Variants in CNTN4 observed in about 807,000 individuals in gnomAD.
The protein encoded by CNTN4 is contactin-4.
In CNTN4, 77 loss-of-function variants were observed where a neutral mutation model predicts 122.5. The ratio of observed to expected loss-of-function variants is 0.63; its 90% CI spans 0.52 to 0.76. The LOEUF is 0.76. CNTN4 is among the 30% of genes least tolerant of loss of function. The pLI is 0.00. For missense variants in CNTN4, 1,256 were observed against 1,259.1 expected (o/e 1.00, Z 0.04); for synonymous variants, 512 against 447.0 (o/e 1.15, Z -1.83).
At chr3:2,960,135 C>G (rs2094838130) in intron 13 of CNTN4, among the ~76,000 whole-genome samples, 1 of 152,142 alleles carries the variant, frequency 6.6e-6, no homozygotes, top group Non-Finnish European at 1.5e-5. Context: ...AAATATTCCT[C>G]TTTTTGAACC....
At chr3:2,323,029 C>T (rs1360935371) in intron 2 of CNTN4, among the ~76,000 whole-genome samples, 2 of 152,118 alleles carry the variant, frequency 1.3e-5, no homozygotes, top group Non-Finnish European at 2.9e-5. Flanking sequence ...AAATTGCCAT[C>T]TCAGCTACAC....
chr3:2,782,188 TAA>T (rs938458241), intron 6 of CNTN4, among the ~76,000 whole-genome samples: 1 of 151,894 alleles, frequency 6.6e-6, no homozygotes, highest in African/African-American at 2.4e-5. Flanking sequence ...ATAAAGAGTA[TAA>T]AGAGGCATGT....
chr3:2,463,211 A>G (rs887675125), intron 3 of CNTN4, among the ~76,000 whole-genome samples: 4 of 152,216 alleles, frequency 2.6e-5, no homozygotes, highest in Non-Finnish European at 4.4e-5. Context: ...GCTTTTTAAA[A>G]AAAAAAAACA....
At chr3:2,431,713 G>A (rs1486764313) in intron 3 of CNTN4, among the ~76,000 whole-genome samples, 1 of 152,166 alleles carries the variant, frequency 6.6e-6, no homozygotes, top group African/African-American at 2.4e-5. Context: ...GAAACTATAG[G>A]AAATTGTATA....
chr3:2,787,857 T>C (rs2149937484), intron 6 of CNTN4, among the ~76,000 whole-genome samples: 1 of 151,696 alleles, frequency 6.6e-6, no homozygotes, highest in South Asian at 2.1e-4. Flanking sequence ...TGGTGCGATC[T>C]TGGCTCACTG....
At chr3:2,620,741 C>T (rs2081959438) in intron 4 of CNTN4, among the ~76,000 whole-genome samples, 1 of 152,104 alleles carries the variant, frequency 6.6e-6, no homozygotes, top group African/African-American at 2.4e-5. Flanking sequence ...CTGAAAACCT[C>T]ATTTACACAG....
chr3:2,685,810 C>T (rs981885785), intron 4 of CNTN4, among the ~76,000 whole-genome samples: 6 of 152,086 alleles, frequency 3.9e-5, no homozygotes, highest in African/African-American at 1.2e-4. Context: ...AGCCTTAGAG[C>T]AGGTGGCTGT....
At chr3:2,589,674 A>G (rs953859795) in intron 4 of CNTN4, among the ~76,000 whole-genome samples, 2 of 152,184 alleles carry the variant, frequency 1.3e-5, no homozygotes, top group East Asian at 3.9e-4. Context: ...TCAGGAAATT[A>G]TACTCCAGTA....
intron 3 of CNTN4, among the ~76,000 whole-genome samples, chr3:2,553,668 A>G (rs1373005172): frequency 6.6e-6 from 1 of 152,198 alleles, no homozygotes; most frequent in African/African-American, 2.4e-5. Flanking sequence ...ATGGAAGCTG[A>G]AAAGGATGAG....
At chr3:2,483,128 T>A (rs2076054724) in intron 3 of CNTN4, among the ~76,000 whole-genome samples, 1 of 152,198 alleles carries the variant, frequency 6.6e-6, no homozygotes, top group African/African-American at 2.4e-5. Flanking sequence ...GGGGTAGAGC[T>A]GCCCAAGGCT....
At chr3:2,731,682 G>A (rs967769632) in intron 4 of CNTN4, among the ~76,000 whole-genome samples, 46 of 152,198 alleles carry the variant, frequency 3.0e-4, no homozygotes, top group African/African-American at 1.0e-3. Flanking sequence ...ATTTCTCCAA[G>A]GCAGATGATG....
In CNTN4 at chr3:3,046,335, C is replaced by CT. The variant is rs1700648911; in HGVS notation, c.2811+2631_2811+2632insT. Among the ~76,000 whole-genome samples the CT allele has an allele frequency of 2.0e-5, 3 of 152,028 alleles. No homozygotes were observed. The South Asian group carries it at 6.2e-4, about 32-fold the overall frequency. On this transcript the variant is annotated intron_variant, in intron 23 of 24. Transcript: ENST00000418658. ...CCAAGACACATAATTGTCAGATTCACCAAAGTCGAAATGAAGGAAAAAATG... is the reference window on the plus strand; with the variant it reads ...CCAAGACACATAATTGTCAGATTCACTCAAAGTCGAAATGAAGGAAAAAATG...
At chr3:2,314,876 CT>C (rs1442187383) in intron 2 of CNTN4, among the ~76,000 whole-genome samples, 5 of 151,852 alleles carry the variant, frequency 3.3e-5, no homozygotes, top group Non-Finnish European at 7.4e-5. Context: ...ATACAGAGAG[CT>C]TCTTAACAGC....
chr3:2,202,105 T>G lies in CNTN4; in HGVS notation c.-145+101466T>G, dbSNP rs140123832. Among the ~76,000 whole-genome samples, 7 of 152,256 alleles carry G rather than the reference T, an allele frequency of 4.6e-5. No homozygotes were observed. The East Asian group carries it at 1.4e-3, about 29-fold the overall frequency. ...TTCCTACAGGCATTTTTATTTTGCT[T>G]TTTGAAGGAATTATGACACCCCCTC... On this transcript the variant is annotated intron_variant, in intron 2 of 24. Coordinates refer to ENST00000418658, the MANE Select transcript of CNTN4 (RefSeq NM_175607.3).
At chr3:2,135,968 G>A (rs1471391550) in intron 2 of CNTN4, among the ~76,000 whole-genome samples, 3 of 152,034 alleles carry the variant, frequency 2.0e-5, no homozygotes, top group Non-Finnish European at 4.4e-5. Context: ...GTTTTTTTCT[G>A]AGAGGTGTTT....
At chr3:2,840,663 C>G (rs895273673) in intron 7 of CNTN4, among the ~76,000 whole-genome samples, 9 of 148,438 alleles carry the variant, frequency 6.1e-5, no homozygotes, top group Admixed American at 4.8e-4. Context: ...CACACCACTG[C>G]ACTCCAGCCT....
intron 5 of CNTN4, among the ~76,000 whole-genome samples, chr3:2,740,874 C>T (rs74833664): frequency 3.3e-5 from 5 of 152,122 alleles, no homozygotes; most frequent in Non-Finnish European, 7.4e-5. Context: ...ACTTTACATG[C>T]TCATTTATCC....
rs537292418 is a variant in CNTN4, at chr3:2,499,541, TG to T, written c.-88-71873del. Among the ~76,000 whole-genome samples, 16 of 152,162 alleles carry T rather than the reference TG, an allele frequency of 1.1e-4. No individual in the cohort carries two copies. The South Asian group carries it at 3.1e-3, about 30-fold the overall frequency. On this transcript the variant is annotated intron_variant, in intron 3 of 24. Coordinates refer to ENST00000418658, the MANE Select transcript of CNTN4 (RefSeq NM_175607.3). ...AACTGTTATTTTTTTAAAACTTGGG[TG>T]GATTTGTATTGGGTCTATTTCTGGG...
chr3:2,299,837 A>G (rs112812915), intron 2 of CNTN4, among the ~76,000 whole-genome samples: 8 of 152,326 alleles, frequency 5.3e-5, no homozygotes, highest in Middle Eastern at 3.4e-3. Flanking sequence ...CAGTATAATT[A>G]TTTATCTAAA....
Sources: allele counts gnomAD v4.1 joint callset (sites outside exome capture counted in the v4.1 genomes callset), GRCh38; gene constraint gnomAD v4.1.1; transcripts MANE v1.5; gene names NCBI Gene and HGNC (gene_info 2026-07-23, HGNC 2026-07-21).